The following NYAP2 variants were observed in gnomAD, a reference collection of about 807,000 sequenced individuals.
The protein encoded by NYAP2 is neuronal tyrosine-phosphorylated phosphoinositide-3-kinase adapter 2.
NYAP2 carries 23 observed loss-of-function variants against 50.4 expected under a neutral mutation model. The observed-to-expected ratio is 0.46, with a 90% CI of 0.33 to 0.65. The LOEUF is 0.65. NYAP2 is among the 30% of genes least tolerant of loss of function. NYAP2 has a pLI of 0.02. For missense variants in NYAP2, 885 were observed against 861.0 expected (o/e 1.03, Z -0.35); for synonymous variants, 394 against 365.2 (o/e 1.08, Z -0.90).
At chr2:225,473,963 A>C (rs547450193) in intron 3 of NYAP2, among the ~76,000 whole-genome samples, 2 of 152,166 alleles carry the variant, frequency 1.3e-5, no homozygotes, top group African/African-American at 2.4e-5. Context: ...TAAGTCTTGA[A>C]TCCATCTTGA....
Position 225,594,071 on chromosome 2 carries a change from C to T in NYAP2, c.1618+11036C>T, listed in dbSNP as rs757568092. On this transcript the variant is annotated intron_variant, in intron 5 of 6. Coordinates refer to ENST00000636099, the Ensembl canonical transcript of NYAP2. ...CCATTTTGTAAGGTCAAATCATCAT[C>T]GGTTTCGGTACAAATGAATGAGCTG... is the stretch of plus-strand genomic sequence containing the variant. 5.9e-5 allele frequency among the ~76,000 whole-genome samples: 9 copies of T among 152,200 alleles called. No individual in the cohort carries two copies. In the East Asian group the frequency reaches 1.2e-3, roughly 20 times the overall value.
intron 4 of NYAP2, among the ~76,000 whole-genome samples, chr2:225,571,813 G>T (rs915010323): frequency 6.6e-6 from 1 of 152,204 alleles, no homozygotes; most frequent in Non-Finnish European, 1.5e-5. Context: ...GCTGCAACAG[G>T]CTTGAATTTC....
chr2:225,665,891 T>TAGAGC, the NYAP2 span, among the ~76,000 whole-genome samples: 2 of 127,124 alleles, frequency 1.6e-5, no homozygotes, highest in Non-Finnish European at 3.2e-5. Flanking sequence ...TGGCCTAGAG[T>TAGAGC]AGAGCACATC....
intron 5 of NYAP2, among the ~76,000 whole-genome samples, chr2:225,609,291 G>A (rs559919903): frequency 5.3e-5 from 8 of 152,226 alleles, no homozygotes; most frequent in East Asian, 3.9e-4. Context: ...AAGTGATGCC[G>A]TTCATACTCT....
At chr2:225,578,831 A>G (rs1169351470) in intron 4 of NYAP2, among the ~76,000 whole-genome samples, 1 of 152,144 alleles carries the variant, frequency 6.6e-6, no homozygotes, top group Non-Finnish European at 1.5e-5. Flanking sequence ...AATAAATATA[A>G]TGTTGTCTTA....
At chr2:225,600,737 C>A (rs895238865) in intron 5 of NYAP2, among the ~76,000 whole-genome samples, 10 of 152,206 alleles carry the variant, frequency 6.6e-5, no homozygotes, top group East Asian at 3.8e-4. Flanking sequence ...AATTCCCAAT[C>A]CCCTCTTCCC....
intron 5 of NYAP2, among the ~76,000 whole-genome samples, chr2:225,588,211 C>T (rs531140265): frequency 6.6e-6 from 1 of 152,214 alleles, no homozygotes; most frequent in Non-Finnish European, 1.5e-5. Context: ...TAGGTGTGAG[C>T]CACTGCACCC....
At position 225,582,007 on chromosome 2, in the gene NYAP2, G is replaced by A; in HGVS notation, c.590G>A (p.Arg197Gln). ...AAGATTCCTCCTCCCAAACCGAAGCGAAATCCGAACACTCAGCTGAGCACA... is the reference window on the plus strand; with the variant it reads ...AAGATTCCTCCTCCCAAACCGAAGCAAAATCCGAACACTCAGCTGAGCACA... Residue 197 changes from arginine (R) to glutamine (Q), a missense_variant, in exon 5 of 7, where the codon CGA becomes CAA. Transcript: ENST00000636099. The surrounding 1 kb of genome is among the most constrained non-coding windows in gnomAD (Gnocchi z 7.0). The A allele has an allele frequency of 6.2e-7, 1 of 1,613,690 alleles. No individual in the cohort carries two copies. Among genetic ancestry groups the A allele is most frequent in the South Asian group, 1.1e-5 (1 of 91,076 alleles).
At chr2:225,505,825 C>A (rs1322636050) in intron 3 of NYAP2, among the ~76,000 whole-genome samples, 1 of 152,188 alleles carries the variant, frequency 6.6e-6, no homozygotes. Flanking sequence ...GCAGACATAG[C>A]TATAGCCAGG....
At chr2:225,538,790 C>CTTTCTT (rs1691400050) in intron 4 of NYAP2, among the ~76,000 whole-genome samples, 1 of 32,742 alleles carries the variant, frequency 3.1e-5, no homozygotes, top group African/African-American at 1.4e-4. Context: ...TTCTTTCTTT[C>CTTTCTT]TTTCTTTCTT....
intron 4 of NYAP2, among the ~76,000 whole-genome samples, chr2:225,545,295 C>T (rs139316239): frequency 5.3e-5 from 8 of 152,232 alleles, no homozygotes; most frequent in East Asian, 3.9e-4. Context: ...TCTTTCTCTA[C>T]GTCCTCTTTA....
At chr2:225,458,912 C>T (rs1002201868) in intron 3 of NYAP2, among the ~76,000 whole-genome samples, 1 of 152,148 alleles carries the variant, frequency 6.6e-6, no homozygotes, top group Non-Finnish European at 1.5e-5. Context: ...ACAGTGGTCT[C>T]GTTCTTAAAC....
At chr2:225,446,866 T>C (rs1032919528) in intron 3 of NYAP2, among the ~76,000 whole-genome samples, 5 of 152,154 alleles carry the variant, frequency 3.3e-5, no homozygotes, top group Non-Finnish European at 7.4e-5. Context: ...CTTACACAGA[T>C]AGCAAAGGCA....
At chr2:225,679,497 T>G in the NYAP2 span, among the ~76,000 whole-genome samples, 1 of 144,048 alleles carries the variant, frequency 6.9e-6, no homozygotes, top group East Asian at 2.0e-4. Flanking sequence ...CTAATTGTTT[T>G]TTTTTTTTTT....
chr2:225,459,655 A>T (rs1317325632), intron 3 of NYAP2, among the ~76,000 whole-genome samples: 1 of 151,340 alleles, frequency 6.6e-6, no homozygotes, highest in Non-Finnish European at 1.5e-5. Context: ...TTATTTATTT[A>T]TTTTTTGAGA....
chr2:225,692,740 C>T, the NYAP2 span, among the ~76,000 whole-genome samples: 1 of 151,928 alleles, frequency 6.6e-6, no homozygotes, highest in Admixed American at 6.6e-5. Flanking sequence ...CAATGTCACA[C>T]AATGATCAGG....
chr2:225,638,156 T>TTGTG (rs146481098), intron 6 of NYAP2, among the ~76,000 whole-genome samples: 17,458 of 135,190 alleles, frequency 0.13, 1,516 homozygotes, highest in East Asian at 0.27. Context: ...ACTCGTGTGT[T>TTGTG]TGTGTGTGTG....
At chr2:225,561,856 T>G (rs1179454199) in intron 4 of NYAP2, among the ~76,000 whole-genome samples, 1 of 152,118 alleles carries the variant, frequency 6.6e-6, no homozygotes, top group Non-Finnish European at 1.5e-5. Context: ...AATCATGTGC[T>G]CATCTGGATG....
chr2:225,697,607 G>A, the NYAP2 span, among the ~76,000 whole-genome samples: 1 of 151,630 alleles, frequency 6.6e-6, no homozygotes, highest in Non-Finnish European at 1.5e-5. Context: ...ATTAATATTA[G>A]ACCTCACTGA....
Sources: gnomAD v4.1 joint callset for allele counts (sites outside exome capture counted in the v4.1 genomes callset) on GRCh38, gnomAD v4.1.1 for gene constraint, Gnocchi (gnomAD v3.1) non-coding constraint, MANE v1.5 for transcripts, NCBI Gene and HGNC (gene_info 2026-07-23, HGNC 2026-07-21) for gene names.